Variants in ERICH1 observed in about 807,000 individuals in gnomAD.
ERICH1 encodes glutamate rich 1.
Under a neutral mutation model 39.6 loss-of-function variants are expected in ERICH1, and 56 were observed. The ratio of observed to expected loss-of-function variants is 1.41; its 90% CI spans 1.14 to 1.77. ERICH1 has a LOEUF of 1.77. Ranked by LOEUF, ERICH1 falls within the 40% of genes most tolerant of loss-of-function variation. The pLI, the probability that ERICH1 is intolerant of heterozygous loss-of-function variation, is 0.00. For missense variants in ERICH1, 826 were observed against 575.4 expected (o/e 1.44, Z -4.45); for synonymous variants, 313 against 223.6 (o/e 1.40, Z -3.57).
chr8:626,636 G>C (rs373403633), intron 3 of ERICH1: 1 of 157,490 alleles, frequency 6.3e-6, no homozygotes, highest in Admixed American at 6.0e-5. Context: ...ACCTTGTCAA[G>C]GTCCTCCTAA....
chr8:713,285 T>C (rs1319930790), intron 2 of ERICH1, among the ~76,000 whole-genome samples: 1 of 152,252 alleles, frequency 6.6e-6, no homozygotes, highest in Admixed American at 6.5e-5. Flanking sequence ...TGGTGGCGGC[T>C]GTGAGGCGGG....
At chr8:620,040 G>A (rs1466753626) in intron 3 of ERICH1, among the ~76,000 whole-genome samples, 6 of 152,194 alleles carry the variant, frequency 3.9e-5, no homozygotes, top group Admixed American at 2.0e-4. Flanking sequence ...TGGGCCAGGC[G>A]TGGTGGCTCA....
At position 700,336 on chromosome 8, in the gene ERICH1, C is replaced by G. The variant is rs1321738109; in HGVS notation, c.170-7724G>C. Among the ~76,000 whole-genome samples, 17 of 52,024 alleles carry G rather than the reference C, an allele frequency of 3.3e-4. 1 individual carries two copies. The highest frequency in any genetic ancestry group is 5.2e-4 in the Non-Finnish European group (9 of 17,360). 34.1% of individuals were successfully genotyped at this position (52,024 alleles called of 152,430 possible). On this transcript the variant is annotated intron_variant, in intron 2 of 5. Coordinates refer to ENST00000262109, the MANE Select transcript of ERICH1 (RefSeq NM_207332.3). ...CCGCACACGCGCACAGGCCCGCACA[C>G]GCGCACAGATCCGCACACGCGCACA...
chr8:637,418 A>G (rs1004078657), intron 3 of ERICH1: 1 of 151,706 alleles, frequency 6.6e-6, no homozygotes, highest in African/African-American at 2.4e-5. Context: ...TTCCATCCTC[A>G]CCACGTGCTT....
chr8:699,755 ACACT>A (rs1811296729), intron 2 of ERICH1, among the ~76,000 whole-genome samples: 1 of 141,544 alleles, frequency 7.1e-6, no homozygotes, highest in African/African-American at 2.7e-5. Flanking sequence ...GCACACGTGC[ACACT>A]CACACAGCCG....
intron 3 of ERICH1, among the ~76,000 whole-genome samples, chr8:676,265 GAC>G (rs1804729033): frequency 2.1e-4 from 2 of 9,444 alleles, no homozygotes; most frequent in African/African-American, 4.9e-4. Context: ...TGAGGACAGA[GAC>G]GCGGCGGCCC....
intron 1 of ERICH1, among the ~76,000 whole-genome samples, chr8:718,155 C>A (rs1050353571): frequency 6.6e-6 from 1 of 151,016 alleles, no homozygotes; most frequent in Admixed American, 6.6e-5. Flanking sequence ...TCGGAGCGCA[C>A]GGAGAAACCG....
In ERICH1 at chr8:664,576, G is replaced by A. The variant is rs1424814980; in HGVS notation, c.*27C>T. Reference sequence around the variant, plus strand: ...TCTTTTAAGTTTTTTTGTTAAAGAGGAGCTGTTCTTAAAGAGATATTCCAT... The same window carrying A: ...TCTTTTAAGTTTTTTTGTTAAAGAGAAGCTGTTCTTAAAGAGATATTCCAT... On this transcript the variant is annotated 3_prime_UTR_variant, in exon 6 of 6. Transcript: ENST00000262109. The A allele has an allele frequency of 3.8e-6, 6 of 1,586,660 alleles. No homozygotes were observed. The highest frequency in any genetic ancestry group is 1.4e-5 in the African/African-American group (1 of 73,838).
intron 3 of ERICH1, among the ~76,000 whole-genome samples, chr8:630,199 C>CCACACAGA (rs1175943422): frequency 1.1e-4 from 12 of 105,886 alleles, no homozygotes; most frequent in African/African-American, 3.5e-4. Flanking sequence ...CCGTGACCAC[C>CCACACAGA]CAGAGCTGAC....
At chr8:627,354 G>C in intron 3 of ERICH1, 6 of 387,672 alleles carry the variant, frequency 1.5e-5, no homozygotes, top group South Asian at 1.1e-4. Flanking sequence ...TCCCATTCCT[G>C]GACAGGAAAA....
intron 3 of ERICH1, chr8:616,614 T>C (rs1413394154): frequency 1.4e-5 from 6 of 427,798 alleles, no homozygotes; most frequent in South Asian, 9.6e-5. Flanking sequence ...TAAGAGTGAG[T>C]GGGGAGAGGG....
intron 3 of ERICH1, among the ~76,000 whole-genome samples, chr8:620,238 G>C (rs1264100247): frequency 6.6e-6 from 1 of 152,200 alleles, no homozygotes; most frequent in Non-Finnish European, 1.5e-5. Flanking sequence ...CTTGAATCCA[G>C]GAGGCGGAGG....
chr8:617,579 C>A (rs566166180), intron 3 of ERICH1, among the ~76,000 whole-genome samples: 2 of 151,058 alleles, frequency 1.3e-5, no homozygotes, highest in South Asian at 2.1e-4. Flanking sequence ...TTCTCACTGC[C>A]CTCTGAGTGC....
chr8:694,193 TTG>T (rs1213646745), intron 2 of ERICH1, among the ~76,000 whole-genome samples: 1 of 152,152 alleles, frequency 6.6e-6, no homozygotes, highest in African/African-American at 2.4e-5. Flanking sequence ...TCAACACACT[TTG>T]CTCTCTCGAG....
rs886799022 is a variant in ERICH1, at chr8:677,410, T to C, written c.305-3363A>G. ...CTGCACAGCCTCCACCACCACAGCG[T>C]GGCACAGGCTGAAGCAGCTCCGCAC... On this transcript the variant is annotated intron_variant, in intron 3 of 5. Coordinates refer to ENST00000262109, the MANE Select transcript of ERICH1 (RefSeq NM_207332.3). 1.5e-4 allele frequency among the ~76,000 whole-genome samples: 23 copies of C among 152,210 alleles called. 1 individual carries two copies. The highest frequency in any genetic ancestry group is 4.1e-4 in the African/African-American group (17 of 41,442).
chr8:688,576 C>A (rs191835507), intron 3 of ERICH1, among the ~76,000 whole-genome samples: 268 of 152,212 alleles, frequency 1.8e-3, no homozygotes, highest in African/African-American at 6.0e-3. Flanking sequence ...GCATTTGATT[C>A]AGTGAATTAC....
At chr8:668,570 G>C (rs1266083595) in intron 5 of ERICH1, 28 bp downstream of exon 5, 1 of 1,613,104 alleles carries the variant, frequency 6.2e-7, no homozygotes, top group Non-Finnish European at 8.5e-7. Flanking sequence ...TCTTAAGCAG[G>C]ACCTTGAATA....
At chr8:631,464 G>A (rs1326510632) in intron 3 of ERICH1, among the ~76,000 whole-genome samples, 1 of 152,168 alleles carries the variant, frequency 6.6e-6, no homozygotes, top group Non-Finnish European at 1.5e-5. Context: ...TCTGTAACCT[G>A]AGCGGGAAGT....
Position 706,001 on chromosome 8 carries a change from C to A in ERICH1, c.169+9860G>T, listed in dbSNP as rs568166541. On this transcript the variant is annotated intron_variant, in intron 2 of 5. Transcript: ENST00000262109. ...TAACGCTGTATTTTCACCGCACCTT[C>A]TTAATGTTTGGATGCATGAACACTC... 5.9e-5 allele frequency among the ~76,000 whole-genome samples: 9 copies of A among 152,304 alleles called. No individual in the cohort carries two copies. The East Asian group carries it at 1.7e-3, about 29-fold the overall frequency.
Sources: allele counts gnomAD v4.1 joint callset (sites outside exome capture counted in the v4.1 genomes callset), GRCh38; gene constraint gnomAD v4.1.1; transcripts MANE v1.5; gene names NCBI Gene and HGNC (gene_info 2026-07-23, HGNC 2026-07-21).